FRMD1: variants seen among roughly 807,000 people sequenced by gnomAD.
FRMD1 encodes FERM domain-containing protein 1.
FRMD1 carries 51 observed loss-of-function variants against 54.9 expected under a neutral mutation model. The ratio of observed to expected loss-of-function variants is 0.93; its 90% CI spans 0.74 to 1.17. The LOEUF (loss-of-function observed/expected upper bound fraction) is 1.17. Among genes scored for constraint, FRMD1 ranks in the 50% most tolerant of loss-of-function variants. The pLI, the probability that FRMD1 is intolerant of heterozygous loss-of-function variation, is 0.00. For synonymous variants in FRMD1, 324 were observed against 306.4 expected, an observed-to-expected ratio of 1.06 and a Z score of -0.60; for missense variants, 729 against 743.0, an observed-to-expected ratio of 0.98 and a Z score of 0.22.
chr6:168,062,102 C>T, intron 7 of FRMD1, 121 bp from the exon 8 acceptor site: 1 of 1,022,542 alleles, frequency 9.8e-7, no homozygotes, highest in South Asian at 1.6e-5. Context: ...TTTCACTTCG[C>T]AGTGCAGATG....
intron 7 of FRMD1, 168 bp downstream of exon 7, chr6:168,062,726 G>A: frequency 3.9e-6 from 6 of 1,556,788 alleles, no homozygotes; most frequent in Non-Finnish European, 5.2e-6. Context: ...CAGCTGCGGA[G>A]CACGGTCCAC....
intron 1 of FRMD1, among the ~76,000 whole-genome samples, chr6:168,078,497 T>C (rs998858080): frequency 1.3e-5 from 2 of 151,398 alleles, no homozygotes; most frequent in Non-Finnish European, 2.9e-5. Flanking sequence ...ACACAGGCTG[T>C]GTCCTGAGGC....
At chr6:168,079,356 G>C (rs1168952511), upstream of FRMD1, among the ~76,000 whole-genome samples, 1 of 152,214 alleles carries the variant, frequency 6.6e-6, no homozygotes, top group Non-Finnish European at 1.5e-5. Flanking sequence ...TCCCATGCAG[G>C]GTAGCTCAGC....
At chr6:168,090,170 C>G (rs565413745) in intron 1 of FRMD1, among the ~76,000 whole-genome samples, 1 of 152,038 alleles carries the variant, frequency 6.6e-6, no homozygotes, top group Admixed American at 6.5e-5. Context: ...TCGTCTCCCT[C>G]CTGAATGTTG....
chr6:168,091,822 C>A (rs1339706241), intron 1 of FRMD1, among the ~76,000 whole-genome samples: 1 of 152,252 alleles, frequency 6.6e-6, no homozygotes, highest in Non-Finnish European at 1.5e-5. Flanking sequence ...CTCTGTTCTG[C>A]AACCCCAGGT....
In FRMD1 at chr6:168,060,881, T is replaced by C. The variant is rs1421128757; in HGVS notation, c.1222A>G (p.Arg408Gly). 6.2e-7 allele frequency: 1 copy of C among 1,613,670 alleles called. No individual in the cohort carries two copies. The highest frequency in any genetic ancestry group is 1.3e-5 in the African/African-American group (1 of 74,956). Residue 408 changes from arginine (R) to glycine (G), a missense_variant, in exon 9 of 11, where the codon AGG becomes GGG. Arg to Gly is a moderately radical substitution (Grantham distance 125). Transcript: ENST00000283309. ...TSGIKANSWL[R>G]ESREMSVDVP... ...TCCACAGACATCTCTCTGGATTCCC[T>C]GAGCCAGGAGTTGGCCTTGATGCCT...
intron 2 of FRMD1, among the ~76,000 whole-genome samples, chr6:168,071,438 G>C (rs549037934): frequency 4.6e-5 from 7 of 152,340 alleles, no homozygotes; most frequent in Admixed American, 3.3e-4. Context: ...CTCGGGTCAA[G>C]AAGGCCCTGG....
At chr6:168,091,280 G>T (rs1236117148) in intron 1 of FRMD1, among the ~76,000 whole-genome samples, 1 of 152,232 alleles carries the variant, frequency 6.6e-6, no homozygotes, top group East Asian at 1.9e-4. Context: ...CAGGCTGCAG[G>T]TGGAGATGCC....
Position 168,063,603 on chromosome 6 carries a change from T to C in FRMD1, c.802A>G (p.Lys268Glu), listed in dbSNP as rs749681856. The C allele has an allele frequency of 6.2e-7, 1 of 1,610,514 alleles. No individual in the cohort carries two copies. The highest frequency in any genetic ancestry group is 8.5e-7 in the Non-Finnish European group (1 of 1,178,578). Reference protein sequence around the residue: ...DVPVHFFRLHKDKKEGRPTVI... With the variant: ...DVPVHFFRLHEDKKEGRPTVI... The stretch of plus-strand genomic sequence containing the variant: ...TCGCTGGCCGCCCTGGGCTCGACCT[T>C]GTGCAGCCTGAAGAAGTGCACGGGC... Residue 268 changes from lysine (K) to glutamate (E), a missense_variant and splice_region_variant, in exon 6 of 11, where the codon AAG (lysine) becomes GAG (glutamate). Physicochemically the swap from Lys to Glu is moderately conservative, Grantham distance 56. Coordinates refer to ENST00000283309, the MANE Select transcript of FRMD1 (RefSeq NM_024919.6).
intron 9 of FRMD1, among the ~76,000 whole-genome samples, chr6:168,060,434 C>T (rs115296229): frequency 3.2e-3 from 486 of 152,082 alleles, no homozygotes; most frequent in African/African-American, 0.011. Context: ...GATGGGCTTC[C>T]GAGAAAGCTA....
chr6:168,077,674 T>C (rs181188294), intron 1 of FRMD1, among the ~76,000 whole-genome samples: 157 of 152,356 alleles, frequency 1.0e-3, no homozygotes, highest in African/African-American at 3.7e-3. Context: ...GATTCACCTG[T>C]TCAGAACAGG....
chr6:168,057,814 G>A (rs1377806566), intron 10 of FRMD1: 3 of 176,540 alleles, frequency 1.7e-5, no homozygotes, highest in East Asian at 1.8e-4. Flanking sequence ...CCTCCAGCCC[G>A]AGCTTCTCGG....
intron 2 of FRMD1, among the ~76,000 whole-genome samples, chr6:168,070,199 G>A (rs993334740): frequency 1.3e-5 from 2 of 148,198 alleles, no homozygotes; most frequent in Non-Finnish European, 3.0e-5. Flanking sequence ...GATGAAGGAA[G>A]GAAGGAAGGA....
chr6:168,057,618 T>G, intron 10 of FRMD1: 1 of 465,858 alleles, frequency 2.1e-6, no homozygotes, highest in East Asian at 4.4e-5. Flanking sequence ...CCTGGACTCT[T>G]AGCGTTTGGT....
Position 168,054,362 on chromosome 6 carries a change from G to A in FRMD1, c.*2735C>T, listed in dbSNP as rs1358853800. 2 of 152,360 alleles carry A rather than the reference G, an allele frequency of 1.3e-5. No homozygotes were observed. Among genetic ancestry groups the A allele is most frequent in the Non-Finnish European group, 2.9e-5 (2 of 68,146 alleles). The allele number at this position is 152,360 out of a possible 1,614,324, so 9.4% of individuals were successfully genotyped here. ...GACCACCCCAGCCGGGCTCATGCGAGGCTGTGATGCTGGAGGTCCTTGGCC... is the reference window on the plus strand; with the variant it reads ...GACCACCCCAGCCGGGCTCATGCGAAGCTGTGATGCTGGAGGTCCTTGGCC... On this transcript the variant is annotated 3_prime_UTR_variant, in exon 11 of 11. Coordinates refer to ENST00000283309, the MANE Select transcript of FRMD1 (RefSeq NM_024919.6).
intron 3 of FRMD1, 144 bp from the exon 4 acceptor site, chr6:168,066,975 C>G: frequency 1.9e-6 from 2 of 1,041,454 alleles, no homozygotes; most frequent in South Asian, 1.5e-5. Context: ...GCTGACAATT[C>G]GACTCATGGT....
intron 1 of FRMD1, among the ~76,000 whole-genome samples, chr6:168,087,581 C>T (rs1459896563): frequency 6.6e-6 from 1 of 152,134 alleles, no homozygotes; most frequent in Non-Finnish European, 1.5e-5. Flanking sequence ...GTGCAGTGGC[C>T]CTCCTCCCAC....
rs567893595 is a variant in FRMD1, at chr6:168,056,967, C to A, written c.*130G>T. ...CAGCTCCACACCTCTTACAGGTGAA[C>A]CTGTGGAGCGTGCTGGCTGCGGAAG... On this transcript the variant is annotated 3_prime_UTR_variant, in exon 11 of 11. Transcript: ENST00000283309. 3.5e-6 allele frequency: 4 copies of A among 1,144,826 alleles called. No individual in the cohort carries two copies. Among genetic ancestry groups the A allele is most frequent in the Non-Finnish European group, 4.7e-6 (4 of 854,156 alleles). The allele number at this position is 1,144,826 out of a possible 1,614,324, so 70.9% of individuals were successfully genotyped here. A position where few individuals can be genotyped will look rare whatever the true frequency, so the allele number is the denominator to read the frequency against.
intron 2 of FRMD1, among the ~76,000 whole-genome samples, chr6:168,068,553 T>C (rs1053013115): frequency 6.6e-6 from 1 of 152,258 alleles, no homozygotes; most frequent in Non-Finnish European, 1.5e-5. Context: ...GAAGTCTTTG[T>C]TGTACTGTGT....
Sources: allele counts gnomAD v4.1 joint callset (sites outside exome capture counted in the v4.1 genomes callset), GRCh38; gene constraint gnomAD v4.1.1; transcripts MANE v1.5; gene names NCBI Gene and HGNC (gene_info 2026-07-23, HGNC 2026-07-21).